The following CSPP1 variants were observed in gnomAD, a reference collection of about 807,000 sequenced individuals.
CSPP1 encodes centrosome and spindle pole-associated protein 1.
Under a neutral mutation model 164.4 loss-of-function variants are expected in CSPP1, and 126 were observed. The observed-to-expected ratio is 0.77, with a 90% CI of 0.66 to 0.89. The LOEUF (loss-of-function observed/expected upper bound fraction) is 0.89, where lower values mean the gene tolerates loss of function less well. Ranked by LOEUF, CSPP1 falls within the 40% of genes least tolerant of loss-of-function variation. The pLI is 0.00. For missense variants in CSPP1, 1,395 were observed against 1,449.8 expected (o/e 0.96, Z 0.61); for synonymous variants, 472 against 476.7 (o/e 0.99, Z 0.13).
At chr8:67,087,884 C>T (rs554767830) in intron 4 of CSPP1, among the ~76,000 whole-genome samples, 1 of 152,322 alleles carries the variant, frequency 6.6e-6, no homozygotes, top group South Asian at 2.1e-4. Context: ...TGTTAAATTG[C>T]TGCCCAACTT....
At chr8:67,155,708 A>G (rs920333168) in intron 19 of CSPP1, among the ~76,000 whole-genome samples, 14 of 152,150 alleles carry the variant, frequency 9.2e-5, no homozygotes, top group African/African-American at 3.4e-4. Context: ...GGATTGCTTG[A>G]GCCCAGGAGG....
rs2129545559 is a variant in CSPP1, at chr8:67,095,739, A to G, written c.923+7A>G. ...GAGTGTATACAAATGACAGGTATTT[A>G]CAACTTCATTTTTATTTTATTTGCT... On this transcript the variant is annotated splice_region_variant and intron_variant, in intron 7 of 30. Transcript: ENST00000678616. The G allele has an allele frequency of 2.7e-6, 4 of 1,487,166 alleles. No individual in the cohort carries two copies. Among genetic ancestry groups the G allele is most frequent in the Non-Finnish European group, 2.7e-6 (3 of 1,093,104 alleles). 92.1% of individuals were successfully genotyped at this position (1,487,166 alleles called of 1,614,324 possible).
At chr8:67,183,360 C>T (rs1351695058) in intron 28 of CSPP1, among the ~76,000 whole-genome samples, 1 of 152,148 alleles carries the variant, frequency 6.6e-6, no homozygotes, top group Non-Finnish European at 1.5e-5. Flanking sequence ...TTCTCAGGGT[C>T]ACATGGAACA....
chr8:67,086,984 G>T, intron 4 of CSPP1: 1 of 414,532 alleles, frequency 2.4e-6, no homozygotes, highest in Admixed American at 3.5e-5. Context: ...ATTTTGAGAT[G>T]TTTGAATGGC....
In CSPP1 at chr8:67,112,009, G is replaced by A. The variant is rs769879518; in HGVS notation, c.1131G>A (p.Glu377=). ...EDRELIQRRK[E]KYRLELLEQM... is the part of the protein sequence containing the mutation. The stretch of plus-strand genomic sequence containing the variant: ...GAGAACTTATTCAGAGAAGGAAAGA[G>A]AAATACAGACTAGAACTGTTGGAAC... The change falls in exon 10 of 31, where the codon GAG becomes GAA. Residue 377 remains glutamate (E), a synonymous_variant. Transcript: ENST00000678616. 5 of 1,611,670 alleles carry A rather than the reference G, an allele frequency of 3.1e-6. No individual in the cohort carries two copies. The Admixed American group carries it at 8.4e-5, about 27-fold the overall frequency.
intron 24 of CSPP1, among the ~76,000 whole-genome samples, chr8:67,167,252 G>C (rs1036611051): frequency 2.0e-5 from 3 of 152,278 alleles, no homozygotes; most frequent in African/African-American, 7.2e-5. Context: ...CCTCCCAGAC[G>C]GGGTGGCGGC....
intron 28 of CSPP1, among the ~76,000 whole-genome samples, chr8:67,186,438 C>T (rs981832192): frequency 6.8e-6 from 1 of 147,860 alleles, no homozygotes; most frequent in Non-Finnish European, 1.5e-5. Context: ...AAAAAAAAGT[C>T]CAAGAATACC....
At chr8:67,123,730 A>G (rs780658313) in intron 15 of CSPP1, among the ~76,000 whole-genome samples, 32 of 150,658 alleles carry the variant, frequency 2.1e-4, no homozygotes, top group Admixed American at 6.0e-4. Context: ...TTCCACTCCA[A>G]TCTCTCAAGG....
At chr8:67,126,807 TG>T (rs1189780405) in intron 15 of CSPP1, among the ~76,000 whole-genome samples, 5 of 152,176 alleles carry the variant, frequency 3.3e-5, no homozygotes, top group African/African-American at 1.2e-4. Flanking sequence ...TTGCCCTGGC[TG>T]GTATCACTGT....
Position 67,190,641 on chromosome 8 carries a change from T to C in CSPP1, c.3221-9T>C, listed in dbSNP as rs753184305. The C allele has an allele frequency of 1.9e-6, 3 of 1,607,098 alleles. No homozygotes were observed. Among genetic ancestry groups the C allele is most frequent in the Non-Finnish European group, 2.6e-6 (3 of 1,173,596 alleles). Reference sequence around the variant, plus strand: ...TTAAGACTCCTTCTGCTTTTCGGGGTCCTCTTAGGGGCTTACGGTGAGACA... The same window carrying C: ...TTAAGACTCCTTCTGCTTTTCGGGGCCCTCTTAGGGGCTTACGGTGAGACA... On this transcript the variant is annotated splice_polypyrimidine_tract_variant and intron_variant, in intron 28 of 30. Transcript: ENST00000678616.
Position 67,159,040 on chromosome 8 carries a change from A to G in CSPP1, c.2441A>G (p.Lys814Arg). Residue 814 changes from lysine (K) to arginine (R), a missense_variant, in exon 21 of 31, where the codon AAA becomes AGA. Lys to Arg is a conservative substitution (Grantham distance 26). Transcript: ENST00000678616. ...EHIRLAEERQKEAERKKKEEE... is the reference protein window; with the variant it reads ...EHIRLAEERQREAERKKKEEE... The stretch of plus-strand genomic sequence containing the variant: ...ATTCGGTTAGCTGAAGAAAGACAAA[A>G]AGAAGCAGAAAGAAAGAAGAAAGAA... The G allele has an allele frequency of 6.2e-7, 1 of 1,612,666 alleles. No individual in the cohort carries two copies. The highest frequency in any genetic ancestry group is 8.5e-7 in the Non-Finnish European group (1 of 1,179,278).
At chr8:67,107,774 T>G (rs1815887527) in intron 9 of CSPP1, among the ~76,000 whole-genome samples, 1 of 152,190 alleles carries the variant, frequency 6.6e-6, no homozygotes, top group Non-Finnish European at 1.5e-5. Flanking sequence ...AGTGAGATCA[T>G]TGATTTAGTT....
chr8:67,127,032 T>C (rs1464534547), intron 15 of CSPP1, among the ~76,000 whole-genome samples: 1 of 152,032 alleles, frequency 6.6e-6, no homozygotes, highest in Non-Finnish European at 1.5e-5. Flanking sequence ...TTACTGGTTT[T>C]CACAGCAACT....
chr8:67,194,808 T>TAAAG (rs1188238008), intron 30 of CSPP1, among the ~76,000 whole-genome samples: 1 of 152,114 alleles, frequency 6.6e-6, no homozygotes, highest in Non-Finnish European at 1.5e-5. Flanking sequence ...CAGATTCAAT[T>TAAAG]AAAGAATGAA....
chr8:67,114,117 T>C, intron 11 of CSPP1: 1 of 289,638 alleles, frequency 3.5e-6, no homozygotes. Context: ...TCACATGTAC[T>C]ATTCCATGGG....
rs1290949583 is a variant in CSPP1, at chr8:67,093,556, T to G, written c.398T>G (p.Leu133Arg). The G allele has an allele frequency of 6.2e-7, 1 of 1,604,350 alleles. No homozygotes were observed. The highest frequency in any genetic ancestry group is 1.7e-5 in the Admixed American group (1 of 58,924). The stretch of plus-strand genomic sequence containing the variant: ...TTTTATTTTAAGGAAAGGTTGAAAC[T>G]TGAACGTAACAAAGAATACAATCAG... Reference protein sequence around the residue: ...ERLSAKERLKLERNKEYNQFL... With the variant: ...ERLSAKERLKRERNKEYNQFL... Residue 133 changes from leucine to arginine, a missense_variant, in exon 6 of 31, where the codon CTT becomes CGT. By Grantham distance (102) the Leu-to-Arg change is moderately radical. Coordinates refer to ENST00000678616, the MANE Select transcript of CSPP1 (RefSeq NM_001382391.1).
In CSPP1 at chr8:67,113,011, C is replaced by T. The variant is rs947734454; in HGVS notation, c.1188-794C>T. On this transcript the variant is annotated intron_variant, in intron 10 of 30. Transcript: ENST00000678616. ...CTGTAATCCCAGCACTTTCGGAGGCCGAGGTGGGTGGATCACAAGGTCAGG... is the reference window on the plus strand; with the variant it reads ...CTGTAATCCCAGCACTTTCGGAGGCTGAGGTGGGTGGATCACAAGGTCAGG... Among the ~76,000 whole-genome samples, 33 of 152,026 alleles carry T rather than the reference C, an allele frequency of 2.2e-4. 1 individual carries two copies. The highest frequency in any genetic ancestry group is 6.6e-4 in the Admixed American group (10 of 15,252).
intron 3 of CSPP1, among the ~76,000 whole-genome samples, chr8:67,082,162 C>A (rs1429504298): frequency 6.6e-6 from 1 of 152,194 alleles, no homozygotes. Flanking sequence ...ATTCTCCTGC[C>A]TCAGCCTCCT....
chr8:67,154,769 G>A (rs1338633192), intron 19 of CSPP1, among the ~76,000 whole-genome samples: 1 of 152,112 alleles, frequency 6.6e-6, no homozygotes, highest in Non-Finnish European at 1.5e-5. Context: ...CCGAAGTGCT[G>A]GGATTACAGG....
Sources: allele counts gnomAD v4.1 joint callset (sites outside exome capture counted in the v4.1 genomes callset), GRCh38; gene constraint gnomAD v4.1.1; transcripts MANE v1.5; gene names NCBI Gene and HGNC (gene_info 2026-07-23, HGNC 2026-07-21).